The following RAP2A variants were observed in gnomAD, a reference collection of about 807,000 sequenced individuals.
RAP2A encodes the protein RAP2A, member of RAS oncogene family.
In RAP2A, 5 loss-of-function variants were observed where a neutral mutation model predicts 15.1. The ratio of observed to expected loss-of-function variants is 0.33; its 90% CI spans 0.17 to 0.70. The LOEUF (loss-of-function observed/expected upper bound fraction) is 0.70. RAP2A is among the 30% of genes least tolerant of loss of function. The pLI is 0.68. For missense variants in RAP2A, 111 were observed against 240.3 expected, an observed-to-expected ratio of 0.46 and a Z score of 3.56; for synonymous variants, 110 against 99.7, an observed-to-expected ratio of 1.10 and a Z score of -0.62.
intron 1 of RAP2A, among the ~76,000 whole-genome samples, chr13:97,442,707 G>A (rs1380854063): frequency 6.6e-6 from 1 of 152,024 alleles, no homozygotes; most frequent in Non-Finnish European, 1.5e-5. Flanking sequence ...CTTGGAAACT[G>A]CTATCCTAGG....
At chr13:97,440,482 G>A (rs1057127063) in intron 1 of RAP2A, among the ~76,000 whole-genome samples, 2 of 152,108 alleles carry the variant, frequency 1.3e-5, no homozygotes, top group Non-Finnish European at 2.9e-5. Flanking sequence ...CTGACAATAT[G>A]AAACAAACAA....
chr13:97,452,332 T>C (rs2066705303), intron 1 of RAP2A, among the ~76,000 whole-genome samples: 1 of 151,122 alleles, frequency 6.6e-6, no homozygotes, highest in Non-Finnish European at 1.5e-5. Context: ...TTTGTTTGTT[T>C]TGTTTTGCAT....
At chr13:97,455,487 T>A (rs2066719081) in intron 1 of RAP2A, among the ~76,000 whole-genome samples, 1 of 151,466 alleles carries the variant, frequency 6.6e-6, no homozygotes. Flanking sequence ...TCTGGGGCCC[T>A]GTTACAGTCC....
intron 1 of RAP2A, among the ~76,000 whole-genome samples, chr13:97,449,730 T>TA (rs1286559461): frequency 6.6e-6 from 1 of 151,418 alleles, no homozygotes; most frequent in Non-Finnish European, 1.5e-5. Context: ...TGTTTTATTT[T>TA]TTTTTTCCAT....
intron 1 of RAP2A, among the ~76,000 whole-genome samples, chr13:97,454,074 T>G (rs993453534): frequency 1.3e-5 from 2 of 151,318 alleles, no homozygotes; most frequent in Non-Finnish European, 2.9e-5. Flanking sequence ...TTGAAAAGTT[T>G]CTCCAAGTCT....
rs762789595 is a variant in RAP2A at position 97,434,638 on chromosome 13, G to C, written c.168G>C (p.Leu56=). ...CGTCGCCGTCGGTGCTGGAGATCCTGGACACGGCGGGCACCGAGCAGTTCG... is the reference window on the plus strand; with the variant it reads ...CGTCGCCGTCGGTGCTGGAGATCCTCGACACGGCGGGCACCGAGCAGTTCG... The part of the protein sequence containing the change: ...VDSSPSVLEI[L]DTAGTEQFAS... The change falls in exon 1 of 2, where the codon CTG becomes CTC. Residue 56 remains leucine (L), a synonymous_variant. Transcript: ENST00000245304. 1.1e-5 allele frequency: 17 copies of C among 1,614,136 alleles called. No homozygotes were observed. The highest frequency in any genetic ancestry group is 5.0e-5 in the Admixed American group (3 of 60,026).
intron 1 of RAP2A, among the ~76,000 whole-genome samples, chr13:97,447,093 G>C (rs897529121): frequency 3.9e-5 from 6 of 152,120 alleles, no homozygotes; most frequent in African/African-American, 1.2e-4. Flanking sequence ...ATTTATTGAA[G>C]ATGATTGAAT....
chr13:97,450,908 T>C (rs1440558779), intron 1 of RAP2A, among the ~76,000 whole-genome samples: 2 of 152,190 alleles, frequency 1.3e-5, no homozygotes, highest in African/African-American at 4.8e-5. Flanking sequence ...CTGTGGTCAA[T>C]TGGATGCAAT....
intron 1 of RAP2A, among the ~76,000 whole-genome samples, chr13:97,439,814 A>G (rs2066649550): frequency 6.6e-6 from 1 of 152,170 alleles, no homozygotes; most frequent in Non-Finnish European, 1.5e-5. Flanking sequence ...GACTTCCTAT[A>G]TTGCAGTAGG....
intron 1 of RAP2A, among the ~76,000 whole-genome samples, chr13:97,456,342 C>G (rs2066722978): frequency 6.8e-6 from 1 of 146,678 alleles, no homozygotes; most frequent in African/African-American, 2.5e-5. Flanking sequence ...CGTTGGTTCT[C>G]TTCCACAAAC....
At chr13:97,453,069 C>T (rs2153179897) in intron 1 of RAP2A, among the ~76,000 whole-genome samples, 1 of 151,234 alleles carries the variant, frequency 6.6e-6, no homozygotes, top group African/African-American at 2.4e-5. Context: ...CCTTTTTGCA[C>T]TGTCTGGGAA....
intron 1 of RAP2A, among the ~76,000 whole-genome samples, chr13:97,455,001 T>C (rs978507839): frequency 6.6e-6 from 1 of 151,184 alleles, no homozygotes; most frequent in African/African-American, 2.4e-5. Flanking sequence ...GTTTGTTCTA[T>C]ATGTAATGCA....
chr13:97,446,715 G>A lies in RAP2A; in HGVS notation c.314+11931G>A, dbSNP rs553314609. On this transcript the variant is annotated intron_variant, in intron 1 of 1. Transcript: ENST00000245304. ...TGGAAAATTCACGGAGAGGCCCGGA[G>A]GCTAGATAGAGAGGAGGAGGGAGCT... 1.3e-3 allele frequency among the ~76,000 whole-genome samples: 199 copies of A among 152,310 alleles called. 1 individual carries two copies. Among genetic ancestry groups the A allele is most frequent in the Non-Finnish European group, 2.1e-3 (143 of 68,032 alleles).
At position 97,468,823 on chromosome 13, in the gene RAP2A, T is replaced by C. The variant is rs2066783517; in HGVS notation, c.*4381T>C. 1 of 152,192 alleles carries C rather than the reference T, an allele frequency of 6.6e-6. No homozygotes were observed. The highest frequency in any genetic ancestry group is 6.5e-5 in the Admixed American group (1 of 15,284). The allele number at this position is 152,192 out of a possible 1,614,324, so 9.4% of individuals were successfully genotyped here. A position where few individuals can be genotyped will look rare whatever the true frequency, so the allele number is the denominator to read the frequency against. On this transcript the variant is annotated 3_prime_UTR_variant, in exon 2 of 2. Coordinates refer to ENST00000245304, the MANE Select transcript of RAP2A (RefSeq NM_021033.7). ...GAAGAACGTCTTTGAGGCTAAAAAG[T>C]AGTACTCTGAAATTCTCTCAAGTTA...
intron 1 of RAP2A, among the ~76,000 whole-genome samples, chr13:97,438,345 A>G (rs1442184633): frequency 1.3e-5 from 2 of 151,912 alleles, no homozygotes; most frequent in Admixed American, 6.6e-5. Context: ...CCATCCTTTT[A>G]TTCTAGCACC....
In RAP2A at chr13:97,465,730, GT is replaced by G. The variant is rs1265713198; in HGVS notation, c.*1292del. 6.6e-6 allele frequency: 1 copy of G among 152,176 alleles called. No homozygotes were observed. Among genetic ancestry groups the G allele is most frequent in the East Asian group, 1.9e-4 (1 of 5,194 alleles). 9.4% of individuals were successfully genotyped at this position (152,176 alleles called of 1,614,324 possible). A position where few individuals can be genotyped will look rare whatever the true frequency, so the allele number is the denominator to read the frequency against. On this transcript the variant is annotated 3_prime_UTR_variant, in exon 2 of 2. Coordinates refer to ENST00000245304, the MANE Select transcript of RAP2A (RefSeq NM_021033.7). ...AGGTGCTCAAGCTCTGACATTTTTG[GT>G]TTTCATAGTCGTGAAGTATTTATCA...
chr13:97,435,343 A>G (rs555569535), intron 1 of RAP2A, among the ~76,000 whole-genome samples: 3 of 152,234 alleles, frequency 2.0e-5, no homozygotes, highest in Admixed American at 2.0e-4. Flanking sequence ...AGACATCATA[A>G]GCTAAATGGG....
chr13:97,444,663 G>A (rs900441515), intron 1 of RAP2A, among the ~76,000 whole-genome samples: 2 of 152,126 alleles, frequency 1.3e-5, no homozygotes, highest in African/African-American at 4.8e-5. Flanking sequence ...ATATTTTGCA[G>A]TATTGAGTTA....
chr13:97,446,970 C>T (rs2066682397), intron 1 of RAP2A, among the ~76,000 whole-genome samples: 1 of 152,134 alleles, frequency 6.6e-6, no homozygotes, highest in South Asian at 2.1e-4. Flanking sequence ...TTTTATGCAG[C>T]AGTAGTTATC....
Sources: allele counts gnomAD v4.1 joint callset (sites outside exome capture counted in the v4.1 genomes callset), GRCh38; gene constraint gnomAD v4.1.1; transcripts MANE v1.5; gene names NCBI Gene and HGNC (gene_info 2026-07-23, HGNC 2026-07-21).